The following COL4A1 variants were observed in gnomAD, a reference collection of about 807,000 sequenced individuals.
COL4A1 encodes collagen type IV alpha 1 chain, also known as collagen alpha-1(IV) chain.
In COL4A1, 40 loss-of-function variants were observed where a neutral mutation model predicts 216.6. The observed-to-expected ratio is 0.18, with a 90% confidence interval of 0.14 to 0.24. The LOEUF (loss-of-function observed/expected upper bound fraction) is 0.24, where lower values mean the gene tolerates loss of function less well. Among genes scored for constraint, COL4A1 ranks in the 10% least tolerant of loss-of-function variants. The pLI, the probability that COL4A1 is intolerant of heterozygous loss-of-function variation, is 1.00. For missense variants in COL4A1, 1,628 were observed against 2,196.8 expected (o/e 0.74, Z 5.18); for synonymous variants, 839 against 810.7 (o/e 1.03, Z -0.59).
intron 44 of COL4A1, 151 bp from the exon 45 acceptor site, chr13:110,166,454 C>T (rs1877340525): frequency 4.2e-6 from 3 of 712,498 alleles, no homozygotes; most frequent in Admixed American, 2.0e-5. Context: ...TATATGCATA[C>T]CCATATATAC....
intron 1 of COL4A1, among the ~76,000 whole-genome samples, chr13:110,263,918 A>G (rs565681109): frequency 6.6e-6 from 1 of 152,360 alleles, no homozygotes; most frequent in Non-Finnish European, 1.5e-5. Context: ...AATGTTTACT[A>G]TTATTTAAAA....
intron 1 of COL4A1, among the ~76,000 whole-genome samples, chr13:110,281,313 G>T (rs1483381979): frequency 2.0e-5 from 3 of 152,184 alleles, no homozygotes; most frequent in Non-Finnish European, 4.4e-5. Context: ...CAGAAATACT[G>T]AGAATTTTTT....
intron 32 of COL4A1, 44 bp downstream of exon 32, chr13:110,178,020 A>T (rs752258036): frequency 6.2e-7 from 1 of 1,614,122 alleles, no homozygotes; most frequent in Non-Finnish European, 8.5e-7. Context: ...GGTGAGGCCC[A>T]TGTCTTCATG....
chr13:110,251,349 G>A (rs1220825331), intron 1 of COL4A1, among the ~76,000 whole-genome samples: 1 of 152,240 alleles, frequency 6.6e-6, no homozygotes, highest in Non-Finnish European at 1.5e-5. Flanking sequence ...CCCAAGACTA[G>A]GGTGAGTGGG....
chr13:110,246,347 G>GA (rs141516861), intron 1 of COL4A1, among the ~76,000 whole-genome samples: 21,202 of 149,038 alleles, frequency 0.14, 1,840 homozygotes, highest in Non-Finnish European at 0.21. Flanking sequence ...CTGCTAAAAA[G>GA]AAAAAAAAAA....
In COL4A1 at chr13:110,201,488, T is replaced by A. The variant is rs759988023; in HGVS notation, c.1034A>T (p.Glu345Val). ...IGTGPLGEKG[E>V]RGYPGTPGPR... The stretch of plus-strand genomic sequence containing the variant: ...CCCCGGAGTTCCAGGGTAGCCCCTC[T>A]CTCCTTTTTCTCCCAAAGGTCCTGT... The change falls in exon 19 of 52, where the codon GAG becomes GTG. Residue 345 changes from glutamate (E) to valine (V), a missense_variant. By Grantham distance (121) the Glu-to-Val change is moderately radical. Around this residue, in one of 8 missense-constraint regions of COL4A1, gnomAD observed 701 missense variants for 892.5 expected, o/e 0.79. Coordinates refer to ENST00000375820, the MANE Select transcript of COL4A1 (RefSeq NM_001845.6). 1.9e-6 allele frequency: 3 copies of A among 1,614,078 alleles called. No individual in the cohort carries two copies. The Admixed American group carries it at 5.0e-5, about 27-fold the overall frequency.
chr13:110,248,616 C>T (rs929507218), intron 1 of COL4A1, among the ~76,000 whole-genome samples: 1 of 152,168 alleles, frequency 6.6e-6, no homozygotes, highest in Non-Finnish European at 1.5e-5. Context: ...CTCAGCCTCC[C>T]GAGTGGCTGG....
At chr13:110,287,387 CG>C (rs1232866303) in intron 1 of COL4A1, among the ~76,000 whole-genome samples, 2 of 152,222 alleles carry the variant, frequency 1.3e-5, no homozygotes, top group Admixed American at 6.5e-5. Context: ...TCCCCTACTT[CG>C]TGCCCACAAA....
At chr13:110,187,746 C>T (rs1039775908) in intron 24 of COL4A1, among the ~76,000 whole-genome samples, 19 of 152,306 alleles carry the variant, frequency 1.2e-4, no homozygotes, top group African/African-American at 4.6e-4. Context: ...AGAACAATCG[C>T]TGTCCTCAGC....
intron 49 of COL4A1, among the ~76,000 whole-genome samples, chr13:110,159,228 C>T (rs576540864): frequency 9.3e-5 from 14 of 150,496 alleles, no homozygotes; most frequent in East Asian, 3.9e-4. Context: ...CATGCATTTT[C>T]GATGGGTACA....
chr13:110,237,097 C>T (rs1266821468), intron 2 of COL4A1, among the ~76,000 whole-genome samples: 3 of 152,142 alleles, frequency 2.0e-5, no homozygotes, highest in African/African-American at 4.8e-5. Context: ...CTCCCCGTCC[C>T]GACCCGTTAG....
At chr13:110,183,373 AC>A in intron 26 of COL4A1, 97 bp from the exon 27 acceptor site, 1 of 1,117,604 alleles carries the variant, frequency 8.9e-7, no homozygotes, top group Non-Finnish European at 1.3e-6. Flanking sequence ...GCCACATCCT[AC>A]CCAGCACCAC....
At chr13:110,276,529 A>T (rs984355335) in intron 1 of COL4A1, among the ~76,000 whole-genome samples, 3 of 152,136 alleles carry the variant, frequency 2.0e-5, no homozygotes, top group African/African-American at 2.4e-5. Flanking sequence ...GAGGGTTCCA[A>T]ATTTTTGTAG....
intron 36 of COL4A1, among the ~76,000 whole-genome samples, chr13:110,175,892 C>T (rs1877860697): frequency 6.6e-6 from 1 of 152,212 alleles, no homozygotes; most frequent in South Asian, 2.1e-4. Flanking sequence ...AGATGGGCTT[C>T]CCATCTGAAC....
Position 110,274,750 on chromosome 13 carries a change from G to C in COL4A1, c.85-32016C>G, listed in dbSNP as rs955869738. 9.9e-5 allele frequency among the ~76,000 whole-genome samples: 15 copies of C among 152,114 alleles called. No homozygotes were observed. In the East Asian group the frequency reaches 2.9e-3, roughly 29 times the overall value. ...GCTCATGAGATCATAACATTGTATA[G>C]GTAGCAAGAGCTTAGGGATGTACTA... On this transcript the variant is annotated intron_variant, in intron 1 of 51. Transcript: ENST00000375820.
At chr13:110,302,796 T>C (rs753483547) in intron 1 of COL4A1, among the ~76,000 whole-genome samples, 2 of 152,242 alleles carry the variant, frequency 1.3e-5, no homozygotes, top group African/African-American at 4.8e-5. Flanking sequence ...GTTGACATTT[T>C]TTCATGGTTG....
At chr13:110,228,517 G>A (rs1187805541) in intron 2 of COL4A1, among the ~76,000 whole-genome samples, 1 of 150,998 alleles carries the variant, frequency 6.6e-6, no homozygotes, top group African/African-American at 2.4e-5. Flanking sequence ...CCCAGAATGC[G>A]AATGAGCAGC....
chr13:110,191,282 T>A (rs566579381), intron 24 of COL4A1: 1 of 164,760 alleles, frequency 6.1e-6, no homozygotes, highest in African/African-American at 2.4e-5. Flanking sequence ...TCCAGCAATA[T>A]CTTTAAAAAT....
chr13:110,230,584 G>A (rs74126123), intron 2 of COL4A1, among the ~76,000 whole-genome samples: 1,674 of 152,104 alleles, frequency 0.011, 33 homozygotes, highest in African/African-American at 0.039. Flanking sequence ...ACCACGGGGA[G>A]CCTCCCCAGC....
Sources: gnomAD v4.1 joint callset for allele counts (sites outside exome capture counted in the v4.1 genomes callset) on GRCh38, gnomAD v4.1.1 for gene constraint, gnomAD v4.1.1 regional missense constraint, MANE v1.5 for transcripts, NCBI Gene and HGNC (gene_info 2026-07-23, HGNC 2026-07-21) for gene names.